The following NRG3 variants were observed in gnomAD, a reference collection of about 807,000 sequenced individuals.
NRG3 encodes neuregulin 3.
NRG3 carries 31 observed loss-of-function variants against 66.9 expected under a neutral mutation model. That is an observed-to-expected ratio of 0.46 (90% CI 0.35 to 0.63). The LOEUF (loss-of-function observed/expected upper bound fraction) is 0.63, where lower values mean the gene tolerates loss of function less well. NRG3 is among the 20% of genes least tolerant of loss of function. The pLI, the probability that NRG3 is intolerant of heterozygous loss-of-function variation, is 0.00. For synonymous variants in NRG3, 393 were observed against 359.4 expected (o/e 1.09, Z -1.06); for missense variants, 910 against 878.9 (o/e 1.04, Z -0.45).
intron 4 of NRG3, among the ~76,000 whole-genome samples, chr10:82,880,304 T>A (rs1384962219): frequency 1.3e-5 from 2 of 152,110 alleles, no homozygotes; most frequent in Non-Finnish European, 2.9e-5. Context: ...CTACCTAGTA[T>A]GTATTCAAGA....
rs771062511 is a variant in NRG3, at chr10:82,358,730, C to T, written c.824-9C>T. ...CTGACAGCGTTTCCCCCTGTGCTTT[C>T]CCTGACAGATACGACGACATATTCC... On this transcript the variant is annotated splice_polypyrimidine_tract_variant and intron_variant, in intron 1 of 8. Coordinates refer to ENST00000372141, the MANE Select transcript of NRG3 (RefSeq NM_001010848.4). 2.5e-6 allele frequency: 4 copies of T among 1,614,052 alleles called. No homozygotes were observed. Among genetic ancestry groups the T allele is most frequent in the Non-Finnish European group, 1.7e-6 (2 of 1,179,974 alleles).
chr10:82,530,578 C>T (rs566165282), intron 2 of NRG3, among the ~76,000 whole-genome samples: 6 of 151,994 alleles, frequency 3.9e-5, no homozygotes, highest in South Asian at 4.1e-4. Flanking sequence ...TAAGCATTCT[C>T]TTACCAAACT....
chr10:82,664,348 A>T (rs1375001561), intron 2 of NRG3, among the ~76,000 whole-genome samples: 1 of 152,206 alleles, frequency 6.6e-6, no homozygotes, highest in African/African-American at 2.4e-5. Flanking sequence ...TCCTGCCAAT[A>T]AATCTAGTAA....
intron 3 of NRG3, among the ~76,000 whole-genome samples, chr10:82,790,104 C>G (rs1280215469): frequency 6.6e-6 from 1 of 151,798 alleles, no homozygotes; most frequent in Non-Finnish European, 1.5e-5. Context: ...ATGTAGCTGC[C>G]CTTTAAATCA....
chr10:82,694,189 A>G (rs1438087635), intron 2 of NRG3, among the ~76,000 whole-genome samples: 1 of 151,858 alleles, frequency 6.6e-6, no homozygotes, highest in Non-Finnish European at 1.5e-5. Flanking sequence ...CAGAGTGCTG[A>G]TTGGTGCATT....
chr10:82,267,825 C>T (rs2134274071), intron 1 of NRG3, among the ~76,000 whole-genome samples: 1 of 152,264 alleles, frequency 6.6e-6, no homozygotes, highest in South Asian at 2.1e-4. Context: ...GGTGAATTCT[C>T]TCACTACATT....
At chr10:82,353,588 C>T (rs559323976) in intron 1 of NRG3, among the ~76,000 whole-genome samples, 30 of 152,134 alleles carry the variant, frequency 2.0e-4, no homozygotes, top group Middle Eastern at 3.4e-3. Context: ...GAGACCGAAA[C>T]GTATAAAAAA....
intron 3 of NRG3, among the ~76,000 whole-genome samples, chr10:82,864,307 A>T (rs1490647088): frequency 6.6e-6 from 1 of 152,136 alleles, no homozygotes; most frequent in African/African-American, 2.4e-5. Flanking sequence ...TAAATTTTAT[A>T]CTATGTATAT....
intron 2 of NRG3, among the ~76,000 whole-genome samples, chr10:82,723,550 ATAAAACAT>A (rs2057424084): frequency 6.6e-6 from 1 of 152,268 alleles, no homozygotes; most frequent in Non-Finnish European, 1.5e-5. Flanking sequence ...TGTTGAAATG[ATAAAACAT>A]TTTGCCAATA....
chr10:82,626,626 A>G (rs1193007918), intron 2 of NRG3, among the ~76,000 whole-genome samples: 2 of 152,178 alleles, frequency 1.3e-5, no homozygotes, highest in South Asian at 2.1e-4. Context: ...TAAAAGAATT[A>G]CAAGGGATAT....
intron 1 of NRG3, among the ~76,000 whole-genome samples, chr10:82,003,319 C>G (rs986221138): frequency 2.0e-5 from 3 of 152,030 alleles, no homozygotes; most frequent in Non-Finnish European, 2.9e-5. Flanking sequence ...TTAATATGAG[C>G]CTTGATCTGG....
At chr10:82,596,883 T>A (rs1448972070) in intron 2 of NRG3, among the ~76,000 whole-genome samples, 1 of 152,098 alleles carries the variant, frequency 6.6e-6, no homozygotes, top group African/African-American at 2.4e-5. Context: ...TGTTTCCAGG[T>A]CCCTTTTGCT....
intron 2 of NRG3, among the ~76,000 whole-genome samples, chr10:82,380,891 C>T (rs2085573089): frequency 6.6e-6 from 1 of 151,984 alleles, no homozygotes; most frequent in African/African-American, 2.4e-5. Context: ...ATGGAAACAG[C>T]CAGATTTTCA....
chr10:82,547,509 ATT>A (rs2044002231), intron 2 of NRG3, among the ~76,000 whole-genome samples: 1 of 150,884 alleles, frequency 6.6e-6, no homozygotes, highest in African/African-American at 2.4e-5. Flanking sequence ...GTATATATAT[ATT>A]CCATATATAG....
chr10:81,965,049 C>T (rs1037263708), intron 1 of NRG3, among the ~76,000 whole-genome samples: 3 of 152,178 alleles, frequency 2.0e-5, no homozygotes, highest in African/African-American at 7.2e-5. Flanking sequence ...TACCAAGCAT[C>T]ATTGGGCATT....
rs138478020 is a variant in NRG3 at position 82,436,822 on chromosome 10, T to G, written c.953+77954T>G. 2.0e-3 allele frequency among the ~76,000 whole-genome samples: 311 copies of G among 152,330 alleles called. 1 individual carries two copies. Among genetic ancestry groups the G allele is most frequent in the African/African-American group, 7.0e-3 (290 of 41,582 alleles). ...CTTAGTTTTGCTGGATATGAAATTC[T>G]GGGTTGAAAATTATTTTCTTTAAGA... On this transcript the variant is annotated intron_variant, in intron 2 of 8. Coordinates refer to ENST00000372141, the MANE Select transcript of NRG3 (RefSeq NM_001010848.4).
intron 2 of NRG3, among the ~76,000 whole-genome samples, chr10:82,517,815 A>G (rs1045256019): frequency 3.3e-5 from 5 of 152,102 alleles, no homozygotes; most frequent in African/African-American, 1.2e-4. Context: ...TCACATTGTT[A>G]GCTTCCTTGT....
At chr10:82,258,547 CG>C (rs2077856492) in intron 1 of NRG3, among the ~76,000 whole-genome samples, 1 of 152,062 alleles carries the variant, frequency 6.6e-6, no homozygotes, top group African/African-American at 2.4e-5. Flanking sequence ...GCACAAAGGC[CG>C]TAGTGCAGCA....
At chr10:82,091,807 G>A (rs2066041835) in intron 1 of NRG3, among the ~76,000 whole-genome samples, 1 of 152,074 alleles carries the variant, frequency 6.6e-6, no homozygotes, top group Non-Finnish European at 1.5e-5. Context: ...CGTTCTCACC[G>A]ACACTTGTGA....
Sources: allele counts gnomAD v4.1 joint callset (sites outside exome capture counted in the v4.1 genomes callset), GRCh38; gene constraint gnomAD v4.1.1; transcripts MANE v1.5; gene names NCBI Gene and HGNC (gene_info 2026-07-23, HGNC 2026-07-21).